Variants in QKI observed in about 807,000 individuals in gnomAD.
The protein encoded by QKI is KH domain-containing RNA-binding protein QKI.
In QKI, 10 loss-of-function variants were observed where a neutral mutation model predicts 39.0. That is an observed-to-expected ratio of 0.26 (90% CI 0.16 to 0.43). QKI has a LOEUF of 0.43. Ranked by LOEUF, QKI falls within the 20% of genes least tolerant of loss-of-function variation. The pLI is 1.00. For synonymous variants in QKI, 204 were observed against 155.4 expected, an observed-to-expected ratio of 1.31 and a Z score of -2.33; for missense variants, 218 against 428.0, an observed-to-expected ratio of 0.51 and a Z score of 4.33.
chr6:163,507,201 C>T (rs556580426), intron 3 of QKI, among the ~76,000 whole-genome samples: 1 of 152,156 alleles, frequency 6.6e-6, no homozygotes, highest in African/African-American at 2.4e-5. Context: ...GTAACTAGAA[C>T]TAGGGCCAAG....
At chr6:163,477,077 A>C (rs1792671729) in intron 2 of QKI, among the ~76,000 whole-genome samples, 1 of 148,756 alleles carries the variant, frequency 6.7e-6, no homozygotes, top group Non-Finnish European at 1.5e-5. Flanking sequence ...GTGCAGAGGC[A>C]TGATTTCAGC....
rs376015773 is a variant in QKI at position 163,549,715 on chromosome 6, AAAAC to A, written c.547-12259_547-12256del. On this transcript the variant is annotated intron_variant, in intron 4 of 7. Transcript: ENST00000361752. ...TGACACAGTGAGAACTTGTTTCAAA[AAAAC>A]AAACAAAACAAAAACATACTACATG... 1.5e-4 allele frequency among the ~76,000 whole-genome samples: 23 copies of A among 152,350 alleles called. 1 individual carries two copies. The highest frequency in any genetic ancestry group is 4.3e-4 in the African/African-American group (18 of 41,578).
chr6:163,454,187 G>C (rs1419594410), intron 1 of QKI, among the ~76,000 whole-genome samples: 2 of 151,998 alleles, frequency 1.3e-5, no homozygotes, highest in Non-Finnish European at 2.9e-5. Flanking sequence ...AACCCTTATT[G>C]GGCAGTATGT....
chr6:163,416,409 G>A (rs79905444), intron 1 of QKI: 4,255 of 161,224 alleles, frequency 0.026, 198 homozygotes, highest in African/African-American at 0.096. Context: ...AAAATCGACT[G>A]GCCAGGAGTT....
chr6:163,464,853 T>C (rs1162349556), intron 2 of QKI, among the ~76,000 whole-genome samples: 2 of 152,200 alleles, frequency 1.3e-5, no homozygotes, highest in African/African-American at 2.4e-5. Context: ...AGCATTACCC[T>C]TAACCAAAGC....
chr6:163,456,496 T>A (rs1370986401), intron 2 of QKI, among the ~76,000 whole-genome samples: 1 of 152,192 alleles, frequency 6.6e-6, no homozygotes, highest in Non-Finnish European at 1.5e-5. Flanking sequence ...AAGGAGTTAT[T>A]ATAATATCAA....
rs558835735 is a variant in QKI, at chr6:163,552,551, C to T, written c.547-9431C>T. Among the ~76,000 whole-genome samples the T allele has an allele frequency of 7.2e-5, 11 of 151,898 alleles. No individual in the cohort carries two copies. The South Asian group carries it at 1.7e-3, about 23-fold the overall frequency. ...CCTAATCATCTTCATACTGAGTAAG[C>T]GGAGGAGGAGGAGGGGTTGGTCTTG... On this transcript the variant is annotated intron_variant, in intron 4 of 7. Coordinates refer to ENST00000361752, the MANE Select transcript of QKI (RefSeq NM_006775.3).
intron 3 of QKI, among the ~76,000 whole-genome samples, chr6:163,501,197 A>G (rs568259740): frequency 2.6e-5 from 4 of 152,140 alleles, no homozygotes; most frequent in East Asian, 1.9e-4. Context: ...TGGCCACTCA[A>G]AGTGCTCCCC....
chr6:163,485,648 T>G (rs1016441859), intron 3 of QKI, among the ~76,000 whole-genome samples: 1 of 152,336 alleles, frequency 6.6e-6, no homozygotes, highest in Admixed American at 6.5e-5. Flanking sequence ...TTTTCTGTCC[T>G]TCCTTCTCTC....
intron 7 of QKI, chr6:163,570,406 G>A (rs1447036868): frequency 1.5e-5 from 15 of 973,576 alleles, no homozygotes; most frequent in African/African-American, 1.8e-5. Flanking sequence ...ACTATTAGTT[G>A]TTAGTTGTAT....
intron 1 of QKI, among the ~76,000 whole-genome samples, chr6:163,415,700 G>A (rs1371120259): frequency 1.3e-5 from 2 of 151,706 alleles, no homozygotes; most frequent in Admixed American, 6.6e-5. Context: ...GAGCCCTCCC[G>A]AGAGCAGGCC....
At chr6:163,532,961 A>G (rs1780953930) in intron 3 of QKI, among the ~76,000 whole-genome samples, 1 of 152,010 alleles carries the variant, frequency 6.6e-6, no homozygotes. Flanking sequence ...GTGGCTTGAA[A>G]CTTGTTGATA....
intron 3 of QKI, among the ~76,000 whole-genome samples, chr6:163,497,649 A>AG (rs1297806686): frequency 6.6e-6 from 1 of 151,614 alleles, no homozygotes; most frequent in African/African-American, 2.4e-5. Context: ...TAAAAAAAAA[A>AG]AATCCATGTT....
At chr6:163,476,809 T>A (rs1792639812) in intron 2 of QKI, among the ~76,000 whole-genome samples, 1 of 152,042 alleles carries the variant, frequency 6.6e-6, no homozygotes, top group Non-Finnish European at 1.5e-5. Context: ...GAGCCTGAGG[T>A]TTTAAGCAAA....
At chr6:163,416,728 T>C (rs748918222) in intron 1 of QKI, among the ~76,000 whole-genome samples, 1 of 152,254 alleles carries the variant, frequency 6.6e-6, no homozygotes, top group Non-Finnish European at 1.5e-5. Context: ...CTCGTCGTTT[T>C]GCTTCCGTAT....
At position 163,530,860 on chromosome 6, in the gene QKI, C is replaced by T. The variant is rs61358847; in HGVS notation, c.403-4122C>T. ...CCTTGTGGTGAAAACTCAGTGGGTC[C>T]TTTTCATCTGGAACCTCAGATCCCT... On this transcript the variant is annotated intron_variant, in intron 3 of 7. Coordinates refer to ENST00000361752, the MANE Select transcript of QKI (RefSeq NM_006775.3). 2.0e-5 allele frequency among the ~76,000 whole-genome samples: 3 copies of T among 152,120 alleles called. No individual in the cohort carries two copies. In the East Asian group the frequency reaches 5.8e-4, roughly 29 times the overall value.
chr6:163,445,821 A>G (rs1790111607), intron 1 of QKI, among the ~76,000 whole-genome samples: 1 of 152,100 alleles, frequency 6.6e-6, no homozygotes, highest in South Asian at 2.1e-4. Flanking sequence ...TCACTGTGTT[A>G]GCCAGGATGG....
At chr6:163,417,536 T>G (rs898278711) in intron 1 of QKI, among the ~76,000 whole-genome samples, 1 of 152,218 alleles carries the variant, frequency 6.6e-6, no homozygotes, top group African/African-American at 2.4e-5. Flanking sequence ...GTTATCAAGT[T>G]TCCAACCTTA....
chr6:163,541,905 G>A (rs1446226801), intron 4 of QKI, among the ~76,000 whole-genome samples: 2 of 151,818 alleles, frequency 1.3e-5, no homozygotes, highest in African/African-American at 4.8e-5. Flanking sequence ...TTAATTATGT[G>A]GACATGAAAG....
Sources: gnomAD v4.1 joint callset for allele counts (sites outside exome capture counted in the v4.1 genomes callset) on GRCh38, gnomAD v4.1.1 for gene constraint, MANE v1.5 for transcripts, NCBI Gene and HGNC (gene_info 2026-07-23, HGNC 2026-07-21) for gene names.